PHLPP1: variants seen among roughly 807,000 people sequenced by gnomAD.
PHLPP1 encodes the protein PH domain and leucine rich repeat protein phosphatase 1.
Under a neutral mutation model 117.2 loss-of-function variants are expected in PHLPP1, and 42 were observed. The ratio of observed to expected loss-of-function variants is 0.36; its 90% CI spans 0.28 to 0.46. The LOEUF (loss-of-function observed/expected upper bound fraction) is 0.46. Among genes scored for constraint, PHLPP1 ranks in the 20% least tolerant of loss-of-function variants. PHLPP1 has a pLI of 1.00. For missense variants in PHLPP1, 2,084 were observed against 2,241.9 expected, an observed-to-expected ratio of 0.93 and a Z score of 1.42; for synonymous variants, 1,042 against 970.7, an observed-to-expected ratio of 1.07 and a Z score of -1.37.
chr18:62,894,989 T>C, intron 4 of PHLPP1, 22 bp from the exon 5 acceptor site: 3 of 1,561,676 alleles, frequency 1.9e-6, no homozygotes, highest in Admixed American at 1.9e-5. Flanking sequence ...TTTTTCCCTT[T>C]TGTTTTGCTT....
At chr18:62,817,069 G>A (rs972463576) in intron 1 of PHLPP1, among the ~76,000 whole-genome samples, 3 of 152,164 alleles carry the variant, frequency 2.0e-5, no homozygotes, top group Admixed American at 6.5e-5. Context: ...AGCCTCCAGA[G>A]TAGCTGGGAC....
At chr18:62,973,472 A>G (rs1234859638) in intron 15 of PHLPP1, among the ~76,000 whole-genome samples, 1 of 152,240 alleles carries the variant, frequency 6.6e-6, no homozygotes, top group African/African-American at 2.4e-5. Flanking sequence ...TGATGAATGT[A>G]CTGGTATTTG....
At chr18:62,811,261 C>A (rs1174299022) in intron 1 of PHLPP1, among the ~76,000 whole-genome samples, 2 of 152,060 alleles carry the variant, frequency 1.3e-5, no homozygotes, top group African/African-American at 4.8e-5. Context: ...GCTATTTGAC[C>A]TAGCAGTTTA....
chr18:62,786,793 G>C (rs1913301025), intron 1 of PHLPP1, among the ~76,000 whole-genome samples: 1 of 152,196 alleles, frequency 6.6e-6, no homozygotes, highest in Non-Finnish European at 1.5e-5. Context: ...AAAGCTACCA[G>C]TTGTGCCAAA....
chr18:62,735,595 AACAACAAC>A (rs1911348704), intron 1 of PHLPP1, among the ~76,000 whole-genome samples: 7 of 152,132 alleles, frequency 4.6e-5, no homozygotes, highest in Non-Finnish European at 1.0e-4. Context: ...CAACAACAAC[AACAACAAC>A]AAAACCAGTT....
chr18:62,888,023 C>T (rs527362679), intron 4 of PHLPP1, among the ~76,000 whole-genome samples: 2 of 152,130 alleles, frequency 1.3e-5, no homozygotes, highest in African/African-American at 2.4e-5. Context: ...GGATTACAGG[C>T]ATGATGTTTT....
intron 1 of PHLPP1, among the ~76,000 whole-genome samples, chr18:62,813,091 T>C: frequency 6.6e-6 from 1 of 152,140 alleles, no homozygotes; most frequent in East Asian, 1.9e-4. Context: ...CAAGTGAAGG[T>C]TGATTTTGCA....
At chr18:62,725,374 A>T (rs1048829468) in intron 1 of PHLPP1, among the ~76,000 whole-genome samples, 1 of 151,098 alleles carries the variant, frequency 6.6e-6, no homozygotes, top group African/African-American at 2.4e-5. Context: ...AAAAAAAAAA[A>T]TAATAAATAA....
chr18:62,716,847 G>T lies in PHLPP1; in HGVS notation c.1164G>T (p.Thr388=). The T allele has an allele frequency of 1.3e-6, 2 of 1,523,064 alleles. No homozygotes were observed. The highest frequency in any genetic ancestry group is 1.8e-6 in the Non-Finnish European group (2 of 1,141,214). The allele number at this position is 1,523,064 out of a possible 1,614,324, so 94.3% of individuals were successfully genotyped here. A position where few individuals can be genotyped will look rare whatever the true frequency, so the allele number is the denominator to read the frequency against. Residue 388 remains threonine (T), a synonymous_variant, in exon 1 of 17, where the codon ACG becomes ACT. Transcript: ENST00000262719. The surrounding 1 kb of genome is among the most constrained non-coding windows in gnomAD (Gnocchi z 5.7). Reference sequence around the variant, plus strand: ...AGGCCGACGCAGCCTCGGCCCCGACGGGGGTCCCGGGCCAGCCCCGCCGTC... The same window carrying T: ...AGGCCGACGCAGCCTCGGCCCCGACTGGGGTCCCGGGCCAGCCCCGCCGTC... ...ELEADAASAP[T]GVPGQPRRPG...
intron 1 of PHLPP1, among the ~76,000 whole-genome samples, chr18:62,736,070 G>C (rs924760473): frequency 4.6e-5 from 7 of 152,142 alleles, no homozygotes; most frequent in Non-Finnish European, 8.8e-5. Context: ...GCACCGAAAG[G>C]GGGCAGAGAG....
chr18:62,946,654 T>G (rs773633383), intron 12 of PHLPP1, among the ~76,000 whole-genome samples: 2 of 152,270 alleles, frequency 1.3e-5, no homozygotes, highest in South Asian at 2.1e-4. Flanking sequence ...TGTGTGTGTG[T>G]GCGCACGCAT....
intron 1 of PHLPP1, among the ~76,000 whole-genome samples, chr18:62,786,729 G>A (rs934181241): frequency 1.3e-5 from 2 of 152,194 alleles, no homozygotes; most frequent in South Asian, 4.1e-4. Context: ...GCTACACTTA[G>A]TAGAATGATT....
intron 10 of PHLPP1, among the ~76,000 whole-genome samples, chr18:62,921,464 C>T (rs1173572505): frequency 1.3e-5 from 2 of 152,174 alleles, no homozygotes; most frequent in Non-Finnish European, 2.9e-5. Flanking sequence ...TTCCTAACTC[C>T]CTGAGCTTAC....
intron 10 of PHLPP1, among the ~76,000 whole-genome samples, chr18:62,939,518 C>T (rs1331363817): frequency 1.3e-5 from 2 of 152,150 alleles, no homozygotes; most frequent in Non-Finnish European, 2.9e-5. Flanking sequence ...AAACTTGTTT[C>T]CTTCCTACTT....
chr18:62,917,418 G>C (rs1909323574), intron 9 of PHLPP1, among the ~76,000 whole-genome samples: 1 of 151,210 alleles, frequency 6.6e-6, no homozygotes, highest in Admixed American at 6.6e-5. Flanking sequence ...GTGTGTGTGT[G>C]TGTGTGTGTG....
chr18:62,833,731 C>G (rs1406883353), intron 2 of PHLPP1, among the ~76,000 whole-genome samples: 1 of 152,134 alleles, frequency 6.6e-6, no homozygotes, highest in Non-Finnish European at 1.5e-5. Flanking sequence ...TTTCATTTCT[C>G]TATAATGTCT....
intron 7 of PHLPP1, among the ~76,000 whole-genome samples, chr18:62,904,308 A>C (rs1467501277): frequency 1.3e-5 from 2 of 152,246 alleles, no homozygotes; most frequent in Non-Finnish European, 2.9e-5. Context: ...TCAGATGGTC[A>C]AGCATTGCCC....
chr18:62,888,209 A>G (rs995093857), intron 4 of PHLPP1, among the ~76,000 whole-genome samples: 1 of 152,196 alleles, frequency 6.6e-6, no homozygotes, highest in Non-Finnish European at 1.5e-5. Context: ...CTATGAAGAA[A>G]TATCTGTAGC....
At chr18:62,976,288 G>C (rs1911185071) in intron 16 of PHLPP1, among the ~76,000 whole-genome samples, 1 of 152,170 alleles carries the variant, frequency 6.6e-6, no homozygotes, top group Non-Finnish European at 1.5e-5. Flanking sequence ...GGACAATGCT[G>C]CTCAACACCC....
Sources: gnomAD v4.1 joint callset for allele counts (sites outside exome capture counted in the v4.1 genomes callset) on GRCh38, gnomAD v4.1.1 for gene constraint, Gnocchi (gnomAD v3.1) non-coding constraint, MANE v1.5 for transcripts, NCBI Gene and HGNC (gene_info 2026-07-23, HGNC 2026-07-21) for gene names.